The following PIK3C3 variants were observed in gnomAD, a reference collection of about 807,000 sequenced individuals.
PIK3C3 encodes the protein phosphatidylinositol 3-kinase catalytic subunit type 3.
In PIK3C3, 95 loss-of-function variants were observed where a neutral mutation model predicts 126.1. That is an observed-to-expected ratio of 0.75 (90% confidence interval 0.64 to 0.89). The LOEUF is 0.89. Among genes scored for constraint, PIK3C3 ranks in the 40% least tolerant of loss-of-function variants. The pLI, the probability that PIK3C3 is intolerant of heterozygous loss-of-function variation, is 0.00. For missense variants in PIK3C3, 829 were observed against 1,063.2 expected (o/e 0.78, Z 3.06); for synonymous variants, 374 against 360.0 (o/e 1.04, Z -0.44).
Position 41,993,321 on chromosome 18 carries a change from C to T in PIK3C3, c.766C>T (p.Pro256Ser). ...AACAAGTTTTGAATTAGTGAAAGTT[C>T]CTGACCCCCAGATGTCTATGGTAAG... ...ILTSFELVKVPDPQMSMENLV... is the reference protein window; with the variant it reads ...ILTSFELVKVSDPQMSMENLV... Residue 256 changes from proline to serine, a missense_variant, in exon 7 of 25, where the codon CCT becomes TCT. Pro to Ser is a moderately conservative substitution (Grantham distance 74, BLOSUM62 -1). This residue lies in a region of PIK3C3 where 313 missense variants were observed against 340.7 expected (regional missense o/e 0.92). Transcript: ENST00000262039. 1 of 1,607,960 alleles carries T rather than the reference C, an allele frequency of 6.2e-7. No homozygotes were observed. The highest frequency in any genetic ancestry group is 8.5e-7 in the Non-Finnish European group (1 of 1,175,244).
intron 4 of PIK3C3, among the ~76,000 whole-genome samples, chr18:41,979,418 G>T (rs1981087828): frequency 6.6e-6 from 1 of 152,134 alleles, no homozygotes; most frequent in Non-Finnish European, 1.5e-5. Context: ...GAAAGACTAA[G>T]ATCAGTCAAT....
chr18:42,072,975 C>T (rs1941526), intron 24 of PIK3C3, among the ~76,000 whole-genome samples: 38,302 of 152,068 alleles, frequency 0.25, 5,064 homozygotes, highest in South Asian at 0.4. Flanking sequence ...GTTTCTGCTT[C>T]TCCCTGTCAT....
intron 12 of PIK3C3, among the ~76,000 whole-genome samples, chr18:42,016,091 T>C (rs889331635): frequency 3.9e-5 from 6 of 152,194 alleles, no homozygotes; most frequent in Admixed American, 1.3e-4. Flanking sequence ...ATAAGACTTC[T>C]AATTTAAAAG....
chr18:41,969,158 G>A (rs752670865), intron 3 of PIK3C3, among the ~76,000 whole-genome samples: 1 of 151,516 alleles, frequency 6.6e-6, no homozygotes, highest in East Asian at 1.9e-4. Context: ...ATGTGAAAAT[G>A]TATGAAATGC....
chr18:41,968,539 A>G (rs193030238), intron 3 of PIK3C3, among the ~76,000 whole-genome samples: 76 of 152,298 alleles, frequency 5.0e-4, no homozygotes, highest in African/African-American at 1.7e-3. Flanking sequence ...TTGCAAATAC[A>G]GTTACTAGAA....
chr18:42,053,660 G>A (rs1277297687), intron 21 of PIK3C3, among the ~76,000 whole-genome samples: 3 of 152,106 alleles, frequency 2.0e-5, no homozygotes, highest in Non-Finnish European at 1.5e-5. Context: ...AGGGCGATCA[G>A]TTGTGACAGG....
At position 42,083,419 on chromosome 18, in the gene PIK3C3, AGAG is replaced by A. The variant is rs1194236628; in HGVS notation, c.*2286_*2288del. 3.3e-5 allele frequency: 5 copies of A among 152,304 alleles called. No homozygotes were observed. Among genetic ancestry groups the A allele is most frequent in the Non-Finnish European group, 5.9e-5 (4 of 68,030 alleles). 9.4% of individuals were successfully genotyped at this position (152,304 alleles called of 1,614,324 possible). On this transcript the variant is annotated 3_prime_UTR_variant, in exon 25 of 25. Coordinates refer to ENST00000262039, the MANE Select transcript of PIK3C3 (RefSeq NM_002647.4). Reference sequence around the variant, plus strand: ...TAAGTTATTCAGAGTGAGATTTCTGAGAGGAGAAGAGAGAATGTAGATGGCAGT... The same window carrying A: ...TAAGTTATTCAGAGTGAGATTTCTGAGAGAAGAGAGAATGTAGATGGCAGT...
chr18:42,012,337 A>G (rs759756614), intron 10 of PIK3C3, among the ~76,000 whole-genome samples: 7 of 152,166 alleles, frequency 4.6e-5, no homozygotes, highest in Admixed American at 1.3e-4. Context: ...TACAGGTGCT[A>G]TAGTTGTTAC....
At chr18:41,958,031 C>G (rs960159019) in intron 2 of PIK3C3, among the ~76,000 whole-genome samples, 1 of 152,170 alleles carries the variant, frequency 6.6e-6, no homozygotes, top group African/African-American at 2.4e-5. Flanking sequence ...AAAAACACGT[C>G]TGTGGCATTT....
At chr18:41,969,188 C>G (rs1308962953) in intron 3 of PIK3C3, among the ~76,000 whole-genome samples, 2 of 151,946 alleles carry the variant, frequency 1.3e-5, no homozygotes, top group Non-Finnish European at 2.9e-5. Flanking sequence ...GCCTGTCCAT[C>G]TACACACACT....
chr18:42,013,138 T>C (rs1012653239), intron 10 of PIK3C3, among the ~76,000 whole-genome samples: 2 of 147,524 alleles, frequency 1.4e-5, no homozygotes, highest in East Asian at 2.1e-4. Flanking sequence ...TTTTTGAAAC[T>C]ACTACCTAAA....
chr18:42,040,133 C>CCACA (rs1984240601), intron 18 of PIK3C3, among the ~76,000 whole-genome samples: 1 of 148,150 alleles, frequency 6.7e-6, no homozygotes, highest in African/African-American at 2.5e-5. Flanking sequence ...TCTCCTTCTT[C>CCACA]CACATACTGT....
chr18:41,994,886 A>ATAAAT (rs931986054), intron 7 of PIK3C3, among the ~76,000 whole-genome samples: 1 of 152,074 alleles, frequency 6.6e-6, no homozygotes, highest in Non-Finnish European at 1.5e-5. Flanking sequence ...AAAAAATAAA[A>ATAAAT]TAAATTAGCC....
At chr18:42,057,415 T>A (rs1985119111) in intron 21 of PIK3C3, among the ~76,000 whole-genome samples, 1 of 152,148 alleles carries the variant, frequency 6.6e-6, no homozygotes, top group Non-Finnish European at 1.5e-5. Context: ...TTTTTAAAAT[T>A]TTTCCTTTCT....
intron 22 of PIK3C3, among the ~76,000 whole-genome samples, chr18:42,058,686 C>T (rs1389461391): frequency 5.3e-5 from 8 of 152,160 alleles, no homozygotes; most frequent in Non-Finnish European, 2.9e-5. Context: ...TTCAACACCA[C>T]TAAATCTGTG....
At chr18:42,033,585 C>A (rs1449510188) in intron 15 of PIK3C3, among the ~76,000 whole-genome samples, 2 of 152,116 alleles carry the variant, frequency 1.3e-5, no homozygotes, top group Non-Finnish European at 2.9e-5. Context: ...TATTCTGTAT[C>A]CTTCCTGTGA....
At chr18:42,007,084 G>C (rs999981400) in intron 10 of PIK3C3, among the ~76,000 whole-genome samples, 1 of 152,024 alleles carries the variant, frequency 6.6e-6, no homozygotes, top group Non-Finnish European at 1.5e-5. Context: ...TAGCCAGGAT[G>C]GTCTTGATCT....
At chr18:42,066,712 A>G (rs532628576) in intron 23 of PIK3C3, among the ~76,000 whole-genome samples, 1 of 152,348 alleles carries the variant, frequency 6.6e-6, no homozygotes, top group East Asian at 1.9e-4. Flanking sequence ...TATATAAAAT[A>G]TACGCACATA....
At chr18:41,976,251 C>G (rs187517828) in intron 4 of PIK3C3, among the ~76,000 whole-genome samples, 13 of 152,144 alleles carry the variant, frequency 8.5e-5, no homozygotes, top group Admixed American at 3.9e-4. Flanking sequence ...CAAATGGGTA[C>G]TTGTCCTAGA....
Sources: allele counts gnomAD v4.1 joint callset (sites outside exome capture counted in the v4.1 genomes callset), GRCh38; gene constraint gnomAD v4.1.1; regional missense constraint gnomAD v4.1.1; transcripts MANE v1.5; gene names NCBI Gene and HGNC (gene_info 2026-07-23, HGNC 2026-07-21).